The following MATN2 variants were observed in gnomAD, a reference collection of about 807,000 sequenced individuals.
MATN2 encodes matrilin 2.
In MATN2, 69 loss-of-function variants were observed where a neutral mutation model predicts 103.2. The observed-to-expected ratio is 0.67, with a 90% CI of 0.55 to 0.82. The LOEUF is 0.82. Ranked by LOEUF, MATN2 falls within the 40% of genes least tolerant of loss-of-function variation. The pLI is 0.00. For missense variants in MATN2, 1,023 were observed against 1,211.5 expected (o/e 0.84, Z 2.31); for synonymous variants, 429 against 450.2 (o/e 0.95, Z 0.60).
In MATN2 at chr8:98,033,637, A is replaced by G. The variant is rs765615292; in HGVS notation, c.2793A>G (p.Glu931=). 1.9e-6 allele frequency: 3 copies of G among 1,605,088 alleles called. No individual in the cohort carries two copies. The Admixed American group carries it at 5.1e-5, about 27-fold the overall frequency. The change falls in exon 18 of 19, where the codon GAA becomes GAG. Residue 931 remains glutamate (E), a synonymous_variant. Coordinates refer to ENST00000254898, the MANE Select transcript of MATN2 (RefSeq NM_002380.5). ...LIMFQNLANE[E]VRKLTQRLEE... ...TGTTCCAGAACCTTGCAAACGAAGA[A>G]GTAAGAAAATTAACACAGCGCTATA... is the stretch of plus-strand genomic sequence containing the variant.
rs115412293 is a variant in MATN2, at chr8:97,934,504, T to C, written c.712+2982T>C. 9.3e-3 allele frequency among the ~76,000 whole-genome samples: 1,411 copies of C among 152,332 alleles called. 19 individuals are homozygous for C. Among genetic ancestry groups the C allele is most frequent in the African/African-American group, 0.032 (1,321 of 41,566 alleles). On this transcript the variant is annotated intron_variant, in intron 3 of 18. Coordinates refer to ENST00000254898, the MANE Select transcript of MATN2 (RefSeq NM_002380.5). Reference sequence around the variant, plus strand: ...GATGACATCTCTGAGGTTTGGGAAGTCTCATTTGTTCCTTAAACATTCATT... The same window carrying C: ...GATGACATCTCTGAGGTTTGGGAAGCCTCATTTGTTCCTTAAACATTCATT...
At chr8:97,927,001 C>T (rs1365862367) in intron 2 of MATN2, among the ~76,000 whole-genome samples, 1 of 152,204 alleles carries the variant, frequency 6.6e-6, no homozygotes, top group Admixed American at 6.5e-5. Flanking sequence ...CTCTCTATTT[C>T]TTTGACCTGT....
intron 6 of MATN2, among the ~76,000 whole-genome samples, chr8:97,992,931 T>A (rs201228998): frequency 3.1e-5 from 3 of 95,772 alleles, no homozygotes; most frequent in Non-Finnish European, 5.9e-5. Flanking sequence ...AAACAAACAA[T>A]AATAATAATA....
chr8:97,876,076 T>C (rs570674184), intron 1 of MATN2, among the ~76,000 whole-genome samples: 51 of 152,126 alleles, frequency 3.4e-4, no homozygotes, highest in Admixed American at 4.6e-4. Context: ...TGGAGTGCAG[T>C]GGCATGATCC....
chr8:98,023,159 C>A (rs1813663944), intron 13 of MATN2, among the ~76,000 whole-genome samples: 1 of 152,022 alleles, frequency 6.6e-6, no homozygotes, highest in African/African-American at 2.4e-5. Context: ...CCTATAATCC[C>A]AGCTACTTGA....
At chr8:97,911,778 A>C (rs1809451095) in intron 2 of MATN2, among the ~76,000 whole-genome samples, 1 of 152,174 alleles carries the variant, frequency 6.6e-6, no homozygotes, top group African/African-American at 2.4e-5. Flanking sequence ...GGGGACTGGA[A>C]CACAGGTCTC....
chr8:97,925,564 C>A (rs1008028431), intron 2 of MATN2, among the ~76,000 whole-genome samples: 10 of 152,162 alleles, frequency 6.6e-5, no homozygotes, highest in African/African-American at 2.2e-4. Context: ...CCATTCAGAA[C>A]AAGGCCTGGC....
intron 17 of MATN2, 150 bp from the exon 18 acceptor site, chr8:98,033,410 CT>C: frequency 1.6e-6 from 1 of 639,398 alleles, no homozygotes; most frequent in Non-Finnish European, 2.7e-6. Context: ...ATATACAGTG[CT>C]TTCCTGGTAT....
intron 4 of MATN2, among the ~76,000 whole-genome samples, chr8:97,958,304 A>G (rs7819793): frequency 0.18 from 28,063 of 152,188 alleles, 2,899 homozygotes; most frequent in East Asian, 0.37. Flanking sequence ...AGAGATTGGG[A>G]GGACCCATGT....
At chr8:97,900,154 T>C (rs1818933358) in intron 2 of MATN2, among the ~76,000 whole-genome samples, 6 of 152,156 alleles carry the variant, frequency 3.9e-5, no homozygotes, top group Non-Finnish European at 7.3e-5. Flanking sequence ...GGAGGCTGAT[T>C]TATAGGGAAA....
chr8:98,034,392 A>G, intron 18 of MATN2: 1 of 334,062 alleles, frequency 3.0e-6, no homozygotes, highest in Non-Finnish European at 6.0e-6. Flanking sequence ...AAGTGCATCA[A>G]CTAGTCTATA....
In MATN2 at chr8:98,014,479, C is replaced by T. The variant is rs1563726808; in HGVS notation, c.1574-2061C>T. Among the ~76,000 whole-genome samples, 5 of 152,254 alleles carry T rather than the reference C, an allele frequency of 3.3e-5. No individual in the cohort carries two copies. The East Asian group carries it at 9.6e-4, about 29-fold the overall frequency. ...CATGCTCAGGGCAAACAGGAGGGTC[C>T]AACTCGGCTTTGAGCCTCCTCTGCA... On this transcript the variant is annotated intron_variant, in intron 10 of 18. Coordinates refer to ENST00000254898, the MANE Select transcript of MATN2 (RefSeq NM_002380.5).
intron 10 of MATN2, among the ~76,000 whole-genome samples, chr8:98,011,556 A>G (rs1406358661): frequency 1.3e-5 from 2 of 152,212 alleles, no homozygotes; most frequent in African/African-American, 4.8e-5. Flanking sequence ...CTGGAAAAGC[A>G]CATCTCAGTT....
At chr8:97,987,047 T>TAG (rs1812220751) in intron 6 of MATN2, among the ~76,000 whole-genome samples, 1 of 152,002 alleles carries the variant, frequency 6.6e-6, no homozygotes, top group Non-Finnish European at 1.5e-5. Context: ...TTCATCGTGT[T>TAG]AGCCAGGGTG....
In MATN2 at chr8:98,005,134, G is replaced by A. The variant is rs1812924907; in HGVS notation, c.1327+1351G>A. On this transcript the variant is annotated intron_variant, in intron 8 of 18. Transcript: ENST00000254898. The surrounding 1 kb of genome is among the most constrained non-coding windows in gnomAD (Gnocchi z 4.6). Reference sequence around the variant, plus strand: ...GGAAGTTTCCCAGATGAAATAAGAGGTCCAGGGCAGTCCTCAGGAAAGCGT... The same window carrying A: ...GGAAGTTTCCCAGATGAAATAAGAGATCCAGGGCAGTCCTCAGGAAAGCGT... Among the ~76,000 whole-genome samples, 1 of 152,252 alleles carries A rather than the reference G, an allele frequency of 6.6e-6. No individual in the cohort carries two copies. The highest frequency in any genetic ancestry group is 1.5e-5 in the Non-Finnish European group (1 of 68,040).
At chr8:97,886,799 CTA>C (rs1187019981) in intron 1 of MATN2, among the ~76,000 whole-genome samples, 1 of 152,074 alleles carries the variant, frequency 6.6e-6, no homozygotes, top group African/African-American at 2.4e-5. Context: ...AAAGAAAGAA[CTA>C]TGGCATTTCA....
chr8:97,959,385 C>T (rs750136086), intron 4 of MATN2, among the ~76,000 whole-genome samples: 9 of 149,784 alleles, frequency 6.0e-5, no homozygotes, highest in Non-Finnish European at 1.3e-4. Flanking sequence ...GAATGAATAT[C>T]GTATGATTCA....
At chr8:97,945,098 C>G (rs1056094558) in intron 4 of MATN2, among the ~76,000 whole-genome samples, 3 of 152,078 alleles carry the variant, frequency 2.0e-5, no homozygotes, top group African/African-American at 4.8e-5. Context: ...TTTTGGAGCT[C>G]ACATTTTTGC....
intron 7 of MATN2, among the ~76,000 whole-genome samples, chr8:97,998,198 G>C (rs16892217): frequency 0.093 from 14,043 of 150,886 alleles, 915 homozygotes; most frequent in Admixed American, 0.19. Flanking sequence ...GTTTTCAGTT[G>C]AATTATCTCA....
Sources: allele counts gnomAD v4.1 joint callset (sites outside exome capture counted in the v4.1 genomes callset), GRCh38; gene constraint gnomAD v4.1.1; non-coding constraint Gnocchi (gnomAD v3.1); transcripts MANE v1.5; gene names NCBI Gene and HGNC (gene_info 2026-07-23, HGNC 2026-07-21).